STARD13: variants seen among roughly 807,000 people sequenced by gnomAD.
STARD13 encodes StAR related lipid transfer domain containing 13.
In STARD13, 62 loss-of-function variants were observed where a neutral mutation model predicts 106.4. The observed-to-expected ratio is 0.58, with a 90% CI of 0.48 to 0.72. The LOEUF is 0.72. Among genes scored for constraint, STARD13 ranks in the 30% least tolerant of loss-of-function variants. STARD13 has a pLI of 0.00. For missense variants in STARD13, 1,387 were observed against 1,424.0 expected (o/e 0.97, Z 0.42); for synonymous variants, 565 against 553.0 (o/e 1.02, Z -0.31).
chr13:33,440,321 GAGA>G, the STARD13 span, among the ~76,000 whole-genome samples: 1 of 151,564 alleles, frequency 6.6e-6, no homozygotes, highest in Non-Finnish European at 1.5e-5. Context: ...TTTAGTAACT[GAGA>G]AGAAGACTAA....
intron 1 of STARD13, among the ~76,000 whole-genome samples, chr13:33,270,983 A>G (rs1891131586): frequency 6.6e-6 from 1 of 152,126 alleles, no homozygotes; most frequent in Admixed American, 6.5e-5. Flanking sequence ...CAGTTCATCA[A>G]TCTCTTTATG....
the STARD13 span, among the ~76,000 whole-genome samples, chr13:33,519,208 T>TTTTCTTTCTTTCTTTCTTTCTTTC: frequency 9.8e-6 from 1 of 101,530 alleles, no homozygotes; most frequent in Non-Finnish European, 2.0e-5. Flanking sequence ...CTTGGTAATT[T>TTTTCTTTCTTTCTTTCTTTCTTTC]TTTCTTTCTT....
intron 5 of STARD13, among the ~76,000 whole-genome samples, 193 bp from the exon 6 acceptor site, chr13:33,127,739 G>C (rs1170545823): frequency 6.6e-6 from 1 of 152,170 alleles, no homozygotes; most frequent in Non-Finnish European, 1.5e-5. Flanking sequence ...GATAAATCTG[G>C]AAAAAGTCTT....
chr13:33,206,090 A>C (rs1268160923), intron 1 of STARD13: 1 of 814,796 alleles, frequency 1.2e-6, no homozygotes, highest in Non-Finnish European at 1.5e-6. Flanking sequence ...TAAGAGAAAA[A>C]AACGAAAACT....
the STARD13 span, among the ~76,000 whole-genome samples, chr13:33,625,555 C>A: frequency 1.7e-4 from 25 of 150,312 alleles, no homozygotes; most frequent in Non-Finnish European, 2.4e-4. Flanking sequence ...GGCGACAGAG[C>A]GAGACTGTCT....
the STARD13 span, chr13:33,439,591 C>A: frequency 1.9e-6 from 1 of 512,932 alleles, no homozygotes; most frequent in Middle Eastern, 4.1e-4. Flanking sequence ...ATCCATGATT[C>A]AGCAACACTT....
chr13:33,154,086 CAAAG>C (rs1027498874), intron 3 of STARD13, among the ~76,000 whole-genome samples: 1 of 152,144 alleles, frequency 6.6e-6, no homozygotes, highest in Non-Finnish European at 1.5e-5. Flanking sequence ...ATACTAATGC[CAAAG>C]AGACAATTCT....
the STARD13 span, among the ~76,000 whole-genome samples, chr13:33,661,903 C>CAAAAA: frequency 2.5e-5 from 3 of 121,980 alleles, no homozygotes; most frequent in African/African-American, 5.8e-5. Context: ...GATCTCCTGG[C>CAAAAA]AAAAAAAAAA....
intron 8 of STARD13, among the ~76,000 whole-genome samples, chr13:33,116,697 T>C (rs1418321349): frequency 2.6e-5 from 4 of 152,254 alleles, no homozygotes; most frequent in Admixed American, 6.5e-5. Flanking sequence ...GGAGACTTAA[T>C]TGAAAAATGT....
chr13:33,445,017 G>A, the STARD13 span, among the ~76,000 whole-genome samples: 1 of 152,150 alleles, frequency 6.6e-6, no homozygotes, highest in Admixed American at 6.5e-5. Flanking sequence ...AAATATGACA[G>A]ATTAAAATAC....
the STARD13 span, among the ~76,000 whole-genome samples, chr13:33,480,759 A>G: frequency 6.6e-6 from 1 of 152,190 alleles, no homozygotes; most frequent in African/African-American, 2.4e-5. Flanking sequence ...TGTAGTAGCA[A>G]TGAAATCCCC....
chr13:33,189,818 C>T (rs1020309802), intron 1 of STARD13, among the ~76,000 whole-genome samples: 1 of 151,890 alleles, frequency 6.6e-6, no homozygotes, highest in East Asian at 1.9e-4. Context: ...CCCGGGTGAT[C>T]CCAGTTTCTA....
At chr13:33,435,168 G>T in the STARD13 span, among the ~76,000 whole-genome samples, 1 of 152,160 alleles carries the variant, frequency 6.6e-6, no homozygotes, top group Non-Finnish European at 1.5e-5. Flanking sequence ...TTGTTAGTAG[G>T]GCAGGTTCCT....
chr13:33,343,065 T>C (rs376550133), intron 1 of STARD13, among the ~76,000 whole-genome samples: 27 of 152,284 alleles, frequency 1.8e-4, no homozygotes, highest in African/African-American at 5.1e-4. Flanking sequence ...CCGATACTTA[T>C]GCATCCAATT....
chr13:33,290,398 C>T (rs974557931), upstream of STARD13, among the ~76,000 whole-genome samples: 5 of 152,170 alleles, frequency 3.3e-5, no homozygotes, highest in East Asian at 1.9e-4. Flanking sequence ...GGATTTTCAC[C>T]GATTGATTTG....
the STARD13 span, among the ~76,000 whole-genome samples, chr13:33,485,851 A>G: frequency 7.7e-3 from 1,177 of 152,342 alleles, 11 homozygotes; most frequent in African/African-American, 0.027. Flanking sequence ...TTCAACGCCA[A>G]AGAAGGTCCA....
chr13:33,413,117 CG>C, the STARD13 span, among the ~76,000 whole-genome samples: 1 of 151,998 alleles, frequency 6.6e-6, no homozygotes, highest in Non-Finnish European at 1.5e-5. Flanking sequence ...GGATAGGTAA[CG>C]GTAAAATCTC....
the STARD13 span, among the ~76,000 whole-genome samples, chr13:33,551,825 T>G: frequency 6.6e-6 from 1 of 151,978 alleles, no homozygotes; most frequent in Non-Finnish European, 1.5e-5. Context: ...CTTGAGCTCC[T>G]GACCTCAGGT....
the STARD13 span, among the ~76,000 whole-genome samples, chr13:33,549,596 C>T: frequency 7.3e-4 from 111 of 152,312 alleles, no homozygotes; most frequent in East Asian, 0.019. Context: ...ACGGTGTTAA[C>T]ATCATCTTCA....
Sources: allele counts gnomAD v4.1 joint callset (sites outside exome capture counted in the v4.1 genomes callset), GRCh38; gene constraint gnomAD v4.1.1; transcripts MANE v1.5; gene names NCBI Gene and HGNC (gene_info 2026-07-23, HGNC 2026-07-21).